Variants in PIEZO2 observed in about 807,000 individuals in gnomAD.
PIEZO2 encodes the protein piezo-type mechanosensitive ion channel component 2.
A neutral mutation model predicts 337.3 loss-of-function variants in PIEZO2; 172 were observed. The ratio of observed to expected loss-of-function variants is 0.51; its 90% CI spans 0.45 to 0.58. PIEZO2 has a LOEUF of 0.58. Among genes scored for constraint, PIEZO2 ranks in the 20% least tolerant of loss-of-function variants. PIEZO2 has a pLI of 0.00. For synonymous variants in PIEZO2, 1,251 were observed against 1,228.5 expected, an observed-to-expected ratio of 1.02 and a Z score of -0.38; for missense variants, 3,028 against 3,391.3, an observed-to-expected ratio of 0.89 and a Z score of 2.66.
At chr18:11,071,455 C>A (rs1231033270) in intron 1 of PIEZO2, among the ~76,000 whole-genome samples, 1 of 152,184 alleles carries the variant, frequency 6.6e-6, no homozygotes, top group African/African-American at 2.4e-5. Context: ...CATCAGAGAG[C>A]AAAACGGAAA....
At chr18:10,712,539 G>A (rs1222276973) in intron 39 of PIEZO2, among the ~76,000 whole-genome samples, 1 of 152,136 alleles carries the variant, frequency 6.6e-6, no homozygotes, top group African/African-American at 2.4e-5. Context: ...TCAAAATAAA[G>A]AATGACTTTT....
chr18:10,736,852 A>G lies in PIEZO2; in HGVS notation c.4709-142T>C, dbSNP rs66602415. ...GATGTTGGCAGAGAGGAAAACACAC[A>G]AGATGAAGAGAACTCATCTTCGGCT... On this transcript the variant is annotated intron_variant, in intron 33 of 55. Transcript: ENST00000674853. 242,748 of 913,698 alleles carry G rather than the reference A, an allele frequency of 0.27. 34,060 individuals carry two copies. Among genetic ancestry groups the G allele is most frequent in the African/African-American group, 0.37 (22,145 of 59,276 alleles). 56.6% of individuals were successfully genotyped at this position (913,698 alleles called of 1,614,324 possible).
intron 4 of PIEZO2, among the ~76,000 whole-genome samples, chr18:10,886,374 G>A (rs1222848401): frequency 1.4e-4 from 1 of 7,268 alleles, no homozygotes; most frequent in Non-Finnish European, 2.0e-4. Context: ...ATATATGTGT[G>A]TGTGTGTATA....
intron 2 of PIEZO2, among the ~76,000 whole-genome samples, chr18:11,054,698 C>T (rs576517678): frequency 2.0e-5 from 3 of 152,138 alleles, no homozygotes; most frequent in East Asian, 1.9e-4. Context: ...GTGAACACTG[C>T]GAAAAAGAAT....
rs1402169485 is a variant in PIEZO2, at chr18:10,715,803, C to A, written c.5103G>T (p.Lys1701Asn). 1.3e-6 allele frequency: 2 copies of A among 1,527,428 alleles called. No individual in the cohort carries two copies. The highest frequency in any genetic ancestry group is 2.4e-5 in the East Asian group (1 of 40,856). The allele number at this position is 1,527,428 out of a possible 1,614,324, so 94.6% of individuals were successfully genotyped here. ...KKSDGPDNII[K>N]RIFNILKFTW... The stretch of plus-strand genomic sequence containing the variant: ...TAAATTTCAAAATATTAAATATCCT[C>A]TTGATGATATTATCTAGGAGGAAGA... Residue 1701 changes from lysine (K) to asparagine (N), a missense_variant, in exon 38 of 56, where the codon AAG (lysine) becomes AAT (asparagine). Physicochemically the swap from Lys to Asn is moderately conservative, Grantham distance 94. This residue lies in a region of PIEZO2 where 1,925 missense variants were observed against 2,051.9 expected (regional missense o/e 0.94). Transcript: ENST00000674853.
chr18:11,047,837 T>C lies in PIEZO2; in HGVS notation c.160+18290A>G, dbSNP rs1215419505. On this transcript the variant is annotated intron_variant, in intron 2 of 55. Coordinates refer to ENST00000674853, the MANE Select transcript of PIEZO2 (RefSeq NM_001378183.1). The surrounding 1 kb of genome is among the most constrained non-coding windows in gnomAD (Gnocchi z 7.2). ...GAATGCGAATATAATGATGATGACA[T>C]TGATGTTTGAGGGTGACATTCCTTT... 1.3e-5 allele frequency among the ~76,000 whole-genome samples: 2 copies of C among 152,100 alleles called. No homozygotes were observed. Among genetic ancestry groups the C allele is most frequent in the African/African-American group, 4.8e-5 (2 of 41,420 alleles).
Position 10,973,674 on chromosome 18 carries a change from G to T in PIEZO2, c.286+5861C>A, listed in dbSNP as rs572952594. On this transcript the variant is annotated intron_variant, in intron 3 of 55. Transcript: ENST00000674853. This position sits in a 1 kb window ranked among gnomAD's most constrained non-coding sequence, Gnocchi z 4.9. Reference sequence around the variant, plus strand: ...GAAGCTGGCCCGAGGAGAGAAGAAGGCTGTGTGTTGTGCCTGAATGAGTTA... The same window carrying T: ...GAAGCTGGCCCGAGGAGAGAAGAAGTCTGTGTGTTGTGCCTGAATGAGTTA... 6.6e-6 allele frequency among the ~76,000 whole-genome samples: 1 copy of T among 152,270 alleles called. No homozygotes were observed. Among genetic ancestry groups the T allele is most frequent in the Admixed American group, 6.5e-5 (1 of 15,296 alleles).
intron 36 of PIEZO2, among the ~76,000 whole-genome samples, chr18:10,723,873 GGA>G (rs886884251): frequency 1.3e-5 from 2 of 152,224 alleles, no homozygotes; most frequent in Non-Finnish European, 2.9e-5. Context: ...ATGGCTCAGA[GGA>G]GAGAGGGTAT....
Position 10,894,683 on chromosome 18 carries a change from C to A in PIEZO2, c.329+16503G>T, listed in dbSNP as rs975018822. 6.6e-6 allele frequency: 1 copy of A among 152,260 alleles called. No individual in the cohort carries two copies. Among genetic ancestry groups the A allele is most frequent in the African/African-American group, 2.4e-5 (1 of 41,452 alleles). 9.4% of individuals were successfully genotyped at this position (152,260 alleles called of 1,614,324 possible). A position where few individuals can be genotyped will look rare whatever the true frequency, so the allele number is the denominator to read the frequency against. On this transcript the variant is annotated intron_variant, in intron 4 of 55. Transcript: ENST00000674853. This position sits in a 1 kb window ranked among gnomAD's most constrained non-coding sequence, Gnocchi z 4.1. ...TCCGGACGTATGCCAACGCATAAAA[C>A]CCCAAGTCAAAAGCTCAAACCACAC...
intron 5 of PIEZO2, among the ~76,000 whole-genome samples, chr18:10,860,499 A>G (rs545059571): frequency 1.9e-3 from 291 of 152,102 alleles, no homozygotes; most frequent in Non-Finnish European, 2.8e-3. Context: ...AAATCCACCC[A>G]CCAGAGCTAT....
At position 11,083,380 on chromosome 18, in the gene PIEZO2, T is replaced by C. The variant is rs1420819855; in HGVS notation, c.65-17158A>G. Among the ~76,000 whole-genome samples, 3 of 152,222 alleles carry C rather than the reference T, an allele frequency of 2.0e-5. No individual in the cohort carries two copies. The highest frequency in any genetic ancestry group is 4.8e-5 in the African/African-American group (2 of 41,464). On this transcript the variant is annotated intron_variant, in intron 1 of 55. Transcript: ENST00000674853. This position sits in a 1 kb window ranked among gnomAD's most constrained non-coding sequence, Gnocchi z 4.4. ...AAGAGGAACTATATTTGTTTGGATG[T>C]TTTCCTTGGTAAATTCTTGGCGTAG...
intron 1 of PIEZO2, among the ~76,000 whole-genome samples, chr18:11,098,196 G>T (rs1475252014): frequency 6.6e-6 from 1 of 151,434 alleles, no homozygotes; most frequent in Non-Finnish European, 1.5e-5. Context: ...CCATTATTAA[G>T]TATGTATTTC....
At chr18:10,753,218 A>T (rs2037712219) in intron 27 of PIEZO2, among the ~76,000 whole-genome samples, 1 of 152,228 alleles carries the variant, frequency 6.6e-6, no homozygotes, top group Admixed American at 6.5e-5. Context: ...ATTCTAAGAT[A>T]CGGATGCCTT....
chr18:10,928,061 CAT>C (rs1316988732), intron 3 of PIEZO2, among the ~76,000 whole-genome samples: 3 of 152,156 alleles, frequency 2.0e-5, no homozygotes, highest in African/African-American at 4.8e-5. Context: ...ACGCCCCACT[CAT>C]AGGGCAGCCT....
At position 10,888,356 on chromosome 18, in the gene PIEZO2, C is replaced by T. The variant is rs1447142015; in HGVS notation, c.330-16941G>A. 6.6e-6 allele frequency among the ~76,000 whole-genome samples: 1 copy of T among 152,178 alleles called. No homozygotes were observed. The highest frequency in any genetic ancestry group is 2.4e-5 in the African/African-American group (1 of 41,450). ...TCCTTGTCATTCACTGTGCATTCTT[C>T]TACTTTCTGACACAGTAAGGTTTTT... On this transcript the variant is annotated intron_variant, in intron 4 of 55. Transcript: ENST00000674853. The surrounding 1 kb of genome is among the most constrained non-coding windows in gnomAD (Gnocchi z 4.1).
chr18:10,723,954 G>A (rs2036425393), intron 36 of PIEZO2, among the ~76,000 whole-genome samples: 1 of 152,216 alleles, frequency 6.6e-6, no homozygotes, highest in Non-Finnish European at 1.5e-5. Context: ...ATGGGCAAGA[G>A]GATGTGGGTA....
In PIEZO2 at chr18:10,895,022, C is replaced by T. The variant is rs908442976; in HGVS notation, c.329+16164G>A. ...GAGAGTCTGTAATGAAGAATTTGCC[C>T]GTGCTCTTGCATGGTCATTCCTCCC... On this transcript the variant is annotated intron_variant, in intron 4 of 55. Transcript: ENST00000674853. This position sits in a 1 kb window ranked among gnomAD's most constrained non-coding sequence, Gnocchi z 4.8. 3.3e-5 allele frequency among the ~76,000 whole-genome samples: 5 copies of T among 152,322 alleles called. No homozygotes were observed. Among genetic ancestry groups the T allele is most frequent in the Admixed American group, 1.3e-4 (2 of 15,304 alleles).
At chr18:11,014,512 G>GAA (rs1368673515) in intron 2 of PIEZO2, among the ~76,000 whole-genome samples, 2 of 137,082 alleles carry the variant, frequency 1.5e-5, no homozygotes, top group East Asian at 2.5e-4. Context: ...TCAGTGGTGG[G>GAA]CATTTCACCC....
Position 10,899,600 on chromosome 18 carries a change from C to G in PIEZO2, c.329+11586G>C, listed in dbSNP as rs942847264. 6.6e-6 allele frequency among the ~76,000 whole-genome samples: 1 copy of G among 152,094 alleles called. No individual in the cohort carries two copies. The highest frequency in any genetic ancestry group is 2.4e-5 in the African/African-American group (1 of 41,426). ...TGCAGAACAAATAAGAAATATGAAG[C>G]CTTCTCTTGTAGCTGCCTATTAGCA... On this transcript the variant is annotated intron_variant, in intron 4 of 55. Transcript: ENST00000674853. This position sits in a 1 kb window ranked among gnomAD's most constrained non-coding sequence, Gnocchi z 4.6.
Sources: allele counts gnomAD v4.1 joint callset (sites outside exome capture counted in the v4.1 genomes callset), GRCh38; gene constraint gnomAD v4.1.1; regional missense constraint gnomAD v4.1.1; non-coding constraint Gnocchi (gnomAD v3.1); transcripts MANE v1.5; gene names NCBI Gene and HGNC (gene_info 2026-07-23, HGNC 2026-07-21).